CNTNAP2: variants seen among roughly 807,000 people sequenced by gnomAD.
CNTNAP2 encodes the protein contactin-associated protein-like 2.
CNTNAP2 carries 98 observed loss-of-function variants against 155.2 expected under a neutral mutation model. The observed-to-expected ratio is 0.63, with a 90% CI of 0.54 to 0.75. The LOEUF (loss-of-function observed/expected upper bound fraction) is 0.75. Ranked by LOEUF, CNTNAP2 falls within the 30% of genes least tolerant of loss-of-function variation. The pLI, the probability that CNTNAP2 is intolerant of heterozygous loss-of-function variation, is 0.00. For missense variants in CNTNAP2, 1,727 were observed against 1,688.1 expected, an observed-to-expected ratio of 1.02 and a Z score of -0.40; for synonymous variants, 651 against 631.2, an observed-to-expected ratio of 1.03 and a Z score of -0.47.
At chr7:146,810,295 CTTTCT>C (rs1487425707) in intron 2 of CNTNAP2, among the ~76,000 whole-genome samples, 1 of 122,950 alleles carries the variant, frequency 8.1e-6, no homozygotes, top group East Asian at 2.2e-4. Context: ...GTTCCTCTAG[CTTTCT>C]TTTTTTTTTT....
chr7:148,028,461 C>G (rs1256620299), intron 15 of CNTNAP2, among the ~76,000 whole-genome samples: 1 of 152,124 alleles, frequency 6.6e-6, no homozygotes, highest in Non-Finnish European at 1.5e-5. Flanking sequence ...GACCCCCGGA[C>G]AGCAAAAATG....
chr7:146,747,059 G>A (rs1160886554), intron 1 of CNTNAP2, among the ~76,000 whole-genome samples: 1 of 152,042 alleles, frequency 6.6e-6, no homozygotes, highest in East Asian at 1.9e-4. Flanking sequence ...TGTAGCTCTG[G>A]AAACTGGCTT....
At chr7:147,145,852 A>G (rs527692882) in intron 8 of CNTNAP2, among the ~76,000 whole-genome samples, 1 of 152,340 alleles carries the variant, frequency 6.6e-6, no homozygotes, top group South Asian at 2.1e-4. Flanking sequence ...GTCAGAATAA[A>G]GTATAAGATA....
At chr7:148,005,472 T>C (rs1329915934) in intron 15 of CNTNAP2, among the ~76,000 whole-genome samples, 1 of 152,070 alleles carries the variant, frequency 6.6e-6, no homozygotes, top group African/African-American at 2.4e-5. Context: ...TAATGTAGCA[T>C]CTCATACAGG....
chr7:147,784,601 G>A (rs1797711182), intron 13 of CNTNAP2, among the ~76,000 whole-genome samples: 1 of 135,684 alleles, frequency 7.4e-6, no homozygotes, highest in South Asian at 2.5e-4. Flanking sequence ...GAAATGAGAT[G>A]AAAGAGGTAA....
intron 15 of CNTNAP2, among the ~76,000 whole-genome samples, chr7:148,096,595 A>G (rs1803977687): frequency 6.6e-6 from 1 of 152,096 alleles, no homozygotes; most frequent in South Asian, 2.1e-4. Context: ...TAGTGAGAGT[A>G]GGGGTGAATA....
chr7:146,246,623 G>A (rs947629975), intron 1 of CNTNAP2, among the ~76,000 whole-genome samples: 6 of 151,542 alleles, frequency 4.0e-5, no homozygotes, highest in East Asian at 1.9e-4. Flanking sequence ...GGGGGCTTCC[G>A]AGGCGATCCG....
chr7:146,753,501 TAAGAA>T (rs960418509), intron 1 of CNTNAP2, among the ~76,000 whole-genome samples: 3 of 152,052 alleles, frequency 2.0e-5, no homozygotes, highest in Admixed American at 6.6e-5. Context: ...TGTGAGTCAA[TAAGAA>T]AAGAACTGTT....
intron 9 of CNTNAP2, among the ~76,000 whole-genome samples, chr7:147,389,746 G>T (rs1563185983): frequency 6.6e-6 from 1 of 152,060 alleles, no homozygotes; most frequent in African/African-American, 2.4e-5. Flanking sequence ...ATTCACTGTG[G>T]GTGTTTTAAC....
chr7:147,850,501 A>G (rs1798915444), intron 13 of CNTNAP2, among the ~76,000 whole-genome samples: 1 of 152,202 alleles, frequency 6.6e-6, no homozygotes, highest in Admixed American at 6.5e-5. Flanking sequence ...GCATCACACT[A>G]CCTGACTTCA....
chr7:147,871,558 C>T (rs1047148437), intron 13 of CNTNAP2, among the ~76,000 whole-genome samples: 3 of 152,190 alleles, frequency 2.0e-5, no homozygotes, highest in Non-Finnish European at 2.9e-5. Context: ...GGGTATCAGC[C>T]CCCACTACAG....
intron 1 of CNTNAP2, among the ~76,000 whole-genome samples, chr7:146,543,217 T>C (rs1797979968): frequency 6.6e-6 from 1 of 151,876 alleles, no homozygotes. Flanking sequence ...AGAAAAACTC[T>C]CCAGGTGATT....
chr7:147,895,912 T>C (rs1486580203), intron 13 of CNTNAP2, among the ~76,000 whole-genome samples: 4 of 152,238 alleles, frequency 2.6e-5, no homozygotes, highest in African/African-American at 9.6e-5. Flanking sequence ...CCTTTCTCTC[T>C]GGAATACGTT....
intron 8 of CNTNAP2, among the ~76,000 whole-genome samples, chr7:147,219,979 C>T (rs1307354407): frequency 1.4e-5 from 2 of 140,610 alleles, no homozygotes; most frequent in Non-Finnish European, 3.1e-5. Flanking sequence ...TTAGTGGAGA[C>T]GGGTTTTCAC....
At chr7:148,178,648 TG>T (rs776285762) in intron 18 of CNTNAP2, among the ~76,000 whole-genome samples, 77 of 152,258 alleles carry the variant, frequency 5.1e-4, no homozygotes, top group Non-Finnish European at 1.0e-3. Context: ...CTCACATACC[TG>T]TTACGTAACC....
intron 10 of CNTNAP2, among the ~76,000 whole-genome samples, chr7:147,477,698 T>C (rs943215995): frequency 6.6e-6 from 1 of 152,228 alleles, no homozygotes; most frequent in African/African-American, 2.4e-5. Flanking sequence ...CATCTCTTGA[T>C]GGCTGGCTTT....
intron 1 of CNTNAP2, among the ~76,000 whole-genome samples, chr7:146,605,237 A>G (rs1471940298): frequency 6.6e-6 from 1 of 151,330 alleles, no homozygotes; most frequent in Non-Finnish European, 1.5e-5. Context: ...CTGTATGGCT[A>G]GAAACTAGGG....
intron 1 of CNTNAP2, among the ~76,000 whole-genome samples, chr7:146,233,629 C>G (rs574384764): frequency 2.0e-5 from 3 of 152,124 alleles, no homozygotes; most frequent in Non-Finnish European, 2.9e-5. Context: ...CCCCACACCA[C>G]AACAGTCCCC....
At chr7:146,197,196 C>T (rs141301579) in intron 1 of CNTNAP2, among the ~76,000 whole-genome samples, 203 of 152,112 alleles carry the variant, frequency 1.3e-3, no homozygotes, top group African/African-American at 4.4e-3. Flanking sequence ...GATGTAAAAA[C>T]CAGAAAAGAA....
Sources: gnomAD v4.1 joint callset for allele counts (sites outside exome capture counted in the v4.1 genomes callset) on GRCh38, gnomAD v4.1.1 for gene constraint, MANE v1.5 for transcripts, NCBI Gene and HGNC (gene_info 2026-07-23, HGNC 2026-07-21) for gene names.